ZNF521: variants seen among roughly 807,000 people sequenced by gnomAD.
ZNF521 encodes the protein zinc finger protein 521.
ZNF521 carries 14 observed loss-of-function variants against 105.5 expected under a neutral mutation model. The ratio of observed to expected loss-of-function variants is 0.13; its 90% CI spans 0.09 to 0.21. The LOEUF (loss-of-function observed/expected upper bound fraction) is 0.21. Among genes scored for constraint, ZNF521 ranks in the 10% least tolerant of loss-of-function variants. ZNF521 has a pLI of 1.00. For missense variants in ZNF521, 1,233 were observed against 1,629.7 expected (o/e 0.76, Z 4.19); for synonymous variants, 635 against 606.0 (o/e 1.05, Z -0.70).
intron 5 of ZNF521, among the ~76,000 whole-genome samples, chr18:25,121,780 C>G (rs1487021490): frequency 2.6e-5 from 4 of 152,038 alleles, no homozygotes; most frequent in East Asian, 1.9e-4. Flanking sequence ...ACTCCTCCCC[C>G]CAAATATAAA....
At chr18:25,105,773 G>A (rs1481353467) in intron 5 of ZNF521, among the ~76,000 whole-genome samples, 1 of 152,126 alleles carries the variant, frequency 6.6e-6, no homozygotes, top group African/African-American at 2.4e-5. Context: ...CTAAATTTCA[G>A]TATCGGAGCA....
At chr18:25,121,856 G>A (rs879528538) in intron 5 of ZNF521, among the ~76,000 whole-genome samples, 2 of 152,212 alleles carry the variant, frequency 1.3e-5, no homozygotes, top group Middle Eastern at 3.4e-3. Context: ...AAGCTCAAGA[G>A]TAGTTATATA....
chr18:25,291,615 T>C (rs1010714350), intron 3 of ZNF521, among the ~76,000 whole-genome samples: 1 of 152,200 alleles, frequency 6.6e-6, no homozygotes, highest in African/African-American at 2.4e-5. Context: ...AGGTCAGCTC[T>C]CTGGGTTTTG....
rs111383627 is a variant in ZNF521, at chr18:25,229,809, G to C, written c.221-2112C>G. 1.7e-3 allele frequency among the ~76,000 whole-genome samples: 252 copies of C among 152,314 alleles called. 3 individuals carry two copies. Among genetic ancestry groups the C allele is most frequent in the African/African-American group, 5.7e-3 (239 of 41,570 alleles). Reference sequence around the variant, plus strand: ...CTCATTTATACATTTGGGGAAAACAGTGAATCAGAATTTGTAATGCATCCA... The same window carrying C: ...CTCATTTATACATTTGGGGAAAACACTGAATCAGAATTTGTAATGCATCCA... On this transcript the variant is annotated intron_variant, in intron 3 of 7. Transcript: ENST00000361524.
intron 3 of ZNF521, among the ~76,000 whole-genome samples, chr18:25,298,760 T>C (rs879794354): frequency 1.3e-5 from 2 of 152,202 alleles, no homozygotes; most frequent in South Asian, 2.1e-4. Context: ...AAAAAAATCA[T>C]TGGAGAAGGA....
intron 5 of ZNF521, among the ~76,000 whole-genome samples, chr18:25,132,766 C>A (rs777988057): frequency 6.6e-6 from 1 of 152,150 alleles, no homozygotes; most frequent in Non-Finnish European, 1.5e-5. Context: ...CCCCTTGGGC[C>A]GTTCTCCTGT....
intron 4 of ZNF521, among the ~76,000 whole-genome samples, chr18:25,198,517 A>ACTT (rs1171556115): frequency 6.6e-6 from 1 of 151,834 alleles, no homozygotes; most frequent in African/African-American, 2.4e-5. Flanking sequence ...AATTATTAAA[A>ACTT]CTTATACTTT....
chr18:25,311,074 G>A (rs942738557), intron 3 of ZNF521, among the ~76,000 whole-genome samples: 1 of 152,114 alleles, frequency 6.6e-6, no homozygotes, highest in African/African-American at 2.4e-5. Context: ...AAAACCGAAA[G>A]AAAGGAGGAG....
intron 5 of ZNF521, among the ~76,000 whole-genome samples, chr18:25,148,894 T>A (rs1218125491): frequency 1.3e-5 from 2 of 152,224 alleles, no homozygotes; most frequent in Non-Finnish European, 2.9e-5. Flanking sequence ...GCTATAAATA[T>A]AGCAACCAAT....
intron 3 of ZNF521, among the ~76,000 whole-genome samples, chr18:25,283,957 G>C (rs1478504429): frequency 7.2e-6 from 1 of 138,256 alleles, no homozygotes; most frequent in African/African-American, 2.7e-5. Flanking sequence ...AGCAGCAACA[G>C]CTGGAACTGT....
intron 5 of ZNF521, among the ~76,000 whole-genome samples, chr18:25,135,364 A>G (rs1376530905): frequency 6.6e-6 from 1 of 151,558 alleles, no homozygotes; most frequent in African/African-American, 2.4e-5. Flanking sequence ...CCAGAAATCC[A>G]ACCTGCTTGT....
At chr18:25,082,680 C>T (rs965028209) in intron 7 of ZNF521, 14 of 414,910 alleles carry the variant, frequency 3.4e-5, no homozygotes, top group Non-Finnish European at 5.2e-5. Flanking sequence ...TACTAAAATA[C>T]ACACACAAAA....
chr18:25,327,519 G>T, intron 2 of ZNF521: 1 of 788,352 alleles, frequency 1.3e-6, no homozygotes, highest in Non-Finnish European at 1.8e-6. Flanking sequence ...CTACAAGTAT[G>T]TTCAAATCCT....
chr18:25,342,461 G>C (rs139895819), intron 2 of ZNF521, among the ~76,000 whole-genome samples: 1 of 147,098 alleles, frequency 6.8e-6, no homozygotes, highest in Non-Finnish European at 1.5e-5. Context: ...TCGCTCTGTC[G>C]CCCAGGCTGG....
At chr18:25,285,410 C>T (rs1217156372) in intron 3 of ZNF521, among the ~76,000 whole-genome samples, 1 of 152,208 alleles carries the variant, frequency 6.6e-6, no homozygotes, top group African/African-American at 2.4e-5. Flanking sequence ...CCTTTGCTCC[C>T]ACTGGAGGCT....
chr18:25,264,155 A>G (rs1457333850), intron 3 of ZNF521, among the ~76,000 whole-genome samples: 1 of 152,178 alleles, frequency 6.6e-6, no homozygotes, highest in African/African-American at 2.4e-5. Context: ...TTTGGACCGC[A>G]ACTACTCTTG....
At chr18:25,090,709 G>T (rs987750775) in intron 6 of ZNF521, among the ~76,000 whole-genome samples, 7 of 152,128 alleles carry the variant, frequency 4.6e-5, no homozygotes, top group African/African-American at 1.7e-4. Flanking sequence ...TACATTTTAT[G>T]AGGCTTCTGG....
intron 5 of ZNF521, among the ~76,000 whole-genome samples, chr18:25,193,325 G>GCA (rs1568003181): frequency 5.9e-5 from 9 of 151,818 alleles, no homozygotes; most frequent in Admixed American, 2.0e-4. Flanking sequence ...TTAACATTGT[G>GCA]GTGAAAATAT....
intron 5 of ZNF521, among the ~76,000 whole-genome samples, chr18:25,131,410 C>A (rs2034638843): frequency 6.6e-6 from 1 of 152,170 alleles, no homozygotes; most frequent in South Asian, 2.1e-4. Context: ...CTTGGCCTTG[C>A]AAATTCCAGC....
Sources: allele counts gnomAD v4.1 joint callset (sites outside exome capture counted in the v4.1 genomes callset), GRCh38; gene constraint gnomAD v4.1.1; transcripts MANE v1.5; gene names NCBI Gene and HGNC (gene_info 2026-07-23, HGNC 2026-07-21).